The following FBN1 variants were observed in gnomAD, a reference collection of about 807,000 sequenced individuals.
FBN1 encodes fibrillin-1.
Under a neutral mutation model 365.1 loss-of-function variants are expected in FBN1, and 29 were observed. The observed-to-expected ratio is 0.08, with a 90% confidence interval of 0.06 to 0.11. The LOEUF is 0.11. FBN1 is among the 10% of genes least tolerant of loss of function. The pLI, the probability that FBN1 is intolerant of heterozygous loss-of-function variation, is 1.00. For missense variants in FBN1, 2,476 were observed against 3,703.2 expected (o/e 0.67, Z 8.60); for synonymous variants, 1,210 against 1,270.5 (o/e 0.95, Z 1.01).
rs554861178 is a variant in FBN1, at chr15:48,494,551, T to G, written c.2678-297A>C. ...GAGGGAAACTGAAGGTAGCTTTCTC[T>G]CTTGCTGTTCACCTGAAAATAGGAA... On this transcript the variant is annotated intron_variant, in intron 22 of 65. Transcript: ENST00000316623. Among the ~76,000 whole-genome samples, 9 of 152,346 alleles carry G rather than the reference T, an allele frequency of 5.9e-5. No homozygotes were observed. In the South Asian group the frequency reaches 1.9e-3, roughly 32 times the overall value.
At chr15:48,468,326 G>T (rs2043339905) in intron 37 of FBN1, 86 bp downstream of exon 37, 1 of 1,534,154 alleles carries the variant, frequency 6.5e-7, no homozygotes, top group Non-Finnish European at 9.0e-7. Flanking sequence ...CATTCATTTT[G>T]CAAACTTTGA....
At chr15:48,418,670 C>T (rs1566890844) in intron 63 of FBN1, among the ~76,000 whole-genome samples, 1 of 152,124 alleles carries the variant, frequency 6.6e-6, no homozygotes, top group African/African-American at 2.4e-5. Context: ...TTTATTCTTC[C>T]AGTTGGTACT....
At chr15:48,526,867 G>A (rs773632006) in intron 8 of FBN1, among the ~76,000 whole-genome samples, 3 of 152,206 alleles carry the variant, frequency 2.0e-5, no homozygotes, top group Non-Finnish European at 4.4e-5. Flanking sequence ...CTGCCCAGGA[G>A]GCTGGGAATA....
Position 48,470,774 on chromosome 15 carries a change from A to G in FBN1, c.4337-18T>C. 1 of 1,613,206 alleles carries G rather than the reference A, an allele frequency of 6.2e-7. No individual in the cohort carries two copies. Among genetic ancestry groups the G allele is most frequent in the South Asian group, 1.1e-5 (1 of 90,958 alleles). On this transcript the variant is annotated intron_variant, in intron 35 of 65. Transcript: ENST00000316623. ...ATCAATATCTTGGGGGGAGGGAGAA[A>G]AAAGCAAAAAACTTAACTTATATTT...
chr15:48,452,754 T>C, intron 44 of FBN1, 70 bp from the exon 45 acceptor site: 1 of 1,523,576 alleles, frequency 6.6e-7, no homozygotes, highest in East Asian at 2.3e-5. Flanking sequence ...GCCTCTCACA[T>C]GAAAACAAAT....
chr15:48,589,372 GTTCATACCA>G lies in FBN1; in HGVS notation c.538+6902_538+6910del, dbSNP rs1329637316. ...TGGTTGCATCCCATCCCCACTGCTT[GTTCATACCA>G]CATATGTGCAGCCTGCGAGACAGAG... On this transcript the variant is annotated intron_variant, in intron 6 of 65. Transcript: ENST00000316623. Among the ~76,000 whole-genome samples the G allele has an allele frequency of 2.0e-5, 3 of 152,234 alleles. No individual in the cohort carries two copies. The East Asian group carries it at 5.8e-4, about 29-fold the overall frequency.
Position 48,444,574 on chromosome 15 carries a change from G to A in FBN1, c.6004C>T (p.Pro2002Ser), listed in dbSNP as rs1057519320. The A allele has an allele frequency of 1.2e-6, 2 of 1,613,618 alleles. No homozygotes were observed. The highest frequency in any genetic ancestry group is 1.1e-5 in the South Asian group (1 of 91,080). The stretch of plus-strand genomic sequence containing the variant: ...TTCTCATTTTGAAGACTGTATCCAG[G>A]TGGGCAAATGCATCTGTAGGACCCA... ...LDGSYRCICP[P>S]GYSLQNEKCE... is the part of the protein sequence containing the mutation. Residue 2002 changes from proline to serine, a missense_variant, in exon 49 of 66, where the codon CCT becomes TCT. By Grantham distance (74) the Pro-to-Ser change is moderately conservative. Coordinates refer to ENST00000316623, the MANE Select transcript of FBN1 (RefSeq NM_000138.5).
intron 8 of FBN1, chr15:48,529,110 G>A (rs1197145898): frequency 6.6e-6 from 1 of 152,222 alleles, no homozygotes; most frequent in African/African-American, 2.4e-5. Context: ...CTATAAATCA[G>A]GCTGTGTCAA....
chr15:48,607,522 C>G (rs2044623629), intron 4 of FBN1, among the ~76,000 whole-genome samples: 1 of 118,036 alleles, frequency 8.5e-6, no homozygotes, highest in South Asian at 2.3e-4. Context: ...GGATTAGTAT[C>G]CTTATAAAAA....
intron 13 of FBN1, among the ~76,000 whole-genome samples, chr15:48,510,615 C>T (rs1312831519): frequency 1.3e-5 from 2 of 152,030 alleles, no homozygotes; most frequent in South Asian, 2.1e-4. Context: ...GCCTGAAAAC[C>T]GTCAATCACA....
intron 30 of FBN1, 119 bp downstream of exon 30, chr15:48,485,255 T>A: frequency 7.5e-7 from 1 of 1,325,300 alleles, no homozygotes; most frequent in East Asian, 2.3e-5. Context: ...AGGATACAGT[T>A]AAAATATATG....
chr15:48,548,232 T>C (rs925837068), intron 6 of FBN1, among the ~76,000 whole-genome samples: 1 of 152,192 alleles, frequency 6.6e-6, no homozygotes, highest in Non-Finnish European at 1.5e-5. Flanking sequence ...GACAATCACA[T>C]GGGGTCTCTT....
intron 6 of FBN1, among the ~76,000 whole-genome samples, chr15:48,555,339 C>A (rs190173388): frequency 1.3e-5 from 2 of 152,180 alleles, no homozygotes; most frequent in Non-Finnish European, 2.9e-5. Context: ...CCCCACTCCA[C>A]GTCTATAAAC....
intron 24 of FBN1, among the ~76,000 whole-genome samples, chr15:48,491,164 T>A (rs1262098294): frequency 6.6e-6 from 1 of 152,184 alleles, no homozygotes; most frequent in Non-Finnish European, 1.5e-5. Flanking sequence ...ACAAATAAAC[T>A]AAGACTCAGA....
At chr15:48,434,904 C>G (rs2141237419) in intron 53 of FBN1, among the ~76,000 whole-genome samples, 191 bp from the exon 54 acceptor site, 1 of 152,294 alleles carries the variant, frequency 6.6e-6, no homozygotes, top group South Asian at 2.1e-4. Context: ...TCAAGTGAAT[C>G]TCATGCCTCA....
rs1423564008 is a variant in FBN1 at position 48,607,054 on chromosome 15, C to T, written c.346+3674G>A. On this transcript the variant is annotated intron_variant, in intron 4 of 65. Transcript: ENST00000316623. Reference sequence around the variant, plus strand: ...CTGGACTTCCCAGCCTCCAGAACCACGAGCCAAATAAACTTTTGTTGTTTA... The same window carrying T: ...CTGGACTTCCCAGCCTCCAGAACCATGAGCCAAATAAACTTTTGTTGTTTA... 6.6e-5 allele frequency among the ~76,000 whole-genome samples: 10 copies of T among 151,906 alleles called. No homozygotes were observed. In the South Asian group the frequency reaches 1.0e-3, roughly 16 times the overall value.
At chr15:48,539,014 AC>A (rs1196740062) in intron 6 of FBN1, among the ~76,000 whole-genome samples, 5 of 152,212 alleles carry the variant, frequency 3.3e-5, no homozygotes, top group Non-Finnish European at 1.5e-5. Context: ...GGAAAAAAGG[AC>A]AACTTTTCAT....
chr15:48,541,984 C>T (rs1418258397), intron 6 of FBN1, among the ~76,000 whole-genome samples: 1 of 152,174 alleles, frequency 6.6e-6, no homozygotes, highest in African/African-American at 2.4e-5. Context: ...CTGGCTTACT[C>T]CAGTGTGGCT....
chr15:48,489,723 G>A, intron 25 of FBN1, 128 bp downstream of exon 25: 1 of 781,114 alleles, frequency 1.3e-6, no homozygotes, highest in East Asian at 2.7e-5. Context: ...TCTAAACAAA[G>A]ATAATTATAT....
Sources: gnomAD v4.1 joint callset for allele counts (sites outside exome capture counted in the v4.1 genomes callset) on GRCh38, gnomAD v4.1.1 for gene constraint, MANE v1.5 for transcripts, NCBI Gene and HGNC (gene_info 2026-07-23, HGNC 2026-07-21) for gene names.